The following ATG10 variants were observed in gnomAD, a reference collection of about 807,000 sequenced individuals.
The protein encoded by ATG10 is autophagy related 10, also known as ubiquitin-like-conjugating enzyme ATG10.
Under a neutral mutation model 32.1 loss-of-function variants are expected in ATG10, and 30 were observed. That is an observed-to-expected ratio of 0.94 (90% confidence interval 0.70 to 1.27). The LOEUF (loss-of-function observed/expected upper bound fraction) is 1.27, where lower values mean the gene tolerates loss of function less well. Ranked by LOEUF, ATG10 falls within the 50% of genes most tolerant of loss-of-function variation. The pLI, the probability that ATG10 is intolerant of heterozygous loss-of-function variation, is 0.00. For missense variants in ATG10, 233 were observed against 262.3 expected (o/e 0.89, Z 0.77); for synonymous variants, 87 against 91.5 (o/e 0.95, Z 0.28).
intron 2 of ATG10, among the ~76,000 whole-genome samples, 159 bp from the exon 3 acceptor site, chr5:82,058,336 C>T (rs371882582): frequency 1.5e-4 from 23 of 152,260 alleles, no homozygotes; most frequent in East Asian, 1.3e-3. Context: ...GTACTTACTA[C>T]GTACAGGGTG....
rs185364744 is a variant in ATG10 at position 82,027,214 on chromosome 5, C to T, written c.109-31281C>T. On this transcript the variant is annotated intron_variant, in intron 2 of 7. Transcript: ENST00000282185. Reference sequence around the variant, plus strand: ...AGGAATTTCAGACCAGCCTGGGCAACGTAGTGTGACCTCTTCTCTACAAAA... The same window carrying T: ...AGGAATTTCAGACCAGCCTGGGCAATGTAGTGTGACCTCTTCTCTACAAAA... 1.6e-3 allele frequency among the ~76,000 whole-genome samples: 242 copies of T among 152,004 alleles called. 1 individual carries two copies. The highest frequency in any genetic ancestry group is 5.4e-3 in the African/African-American group (225 of 41,434).
chr5:82,027,488 A>G (rs1169994445), intron 2 of ATG10, among the ~76,000 whole-genome samples: 1 of 152,186 alleles, frequency 6.6e-6, no homozygotes, highest in Non-Finnish European at 1.5e-5. Flanking sequence ...CAAAGTTTTA[A>G]TTTTTGAAGT....
chr5:82,164,576 T>G (rs369350662), intron 4 of ATG10, 39 bp downstream of exon 4: 6 of 1,539,500 alleles, frequency 3.9e-6, no homozygotes, highest in Non-Finnish European at 5.3e-6. Context: ...ATTTATAACA[T>G]TTACATATAA....
chr5:82,026,131 A>C (rs1762587290), intron 2 of ATG10, among the ~76,000 whole-genome samples: 1 of 152,144 alleles, frequency 6.6e-6, no homozygotes, highest in South Asian at 2.1e-4. Context: ...CTATGAAACA[A>C]CTACTCCTCA....
intron 3 of ATG10, among the ~76,000 whole-genome samples, chr5:82,132,244 A>G (rs1204491227): frequency 6.6e-6 from 1 of 151,880 alleles, no homozygotes; most frequent in African/African-American, 2.4e-5. Context: ...TGCCATTATT[A>G]TTATTATTTT....
intron 5 of ATG10, among the ~76,000 whole-genome samples, chr5:82,206,630 A>G (rs1745312188): frequency 6.6e-6 from 1 of 151,760 alleles, no homozygotes; most frequent in Admixed American, 6.6e-5. Flanking sequence ...AGCCTGGGCG[A>G]CAGAGCGAGA....
chr5:82,181,490 G>A (rs1183710102), intron 5 of ATG10, among the ~76,000 whole-genome samples: 2 of 151,914 alleles, frequency 1.3e-5, no homozygotes, highest in Non-Finnish European at 2.9e-5. Context: ...TGGGAGAATG[G>A]GTCTTCATTT....
chr5:82,179,379 G>C (rs960385619), intron 5 of ATG10, among the ~76,000 whole-genome samples: 1 of 152,024 alleles, frequency 6.6e-6, no homozygotes, highest in Non-Finnish European at 1.5e-5. Flanking sequence ...TAGAAACTAA[G>C]TTGGCTTATA....
intron 1 of ATG10, among the ~76,000 whole-genome samples, chr5:81,979,333 C>T (rs958152140): frequency 6.6e-6 from 1 of 152,170 alleles, no homozygotes; most frequent in African/African-American, 2.4e-5. Context: ...CGAGACCATC[C>T]TGGCTAACAC....
intron 2 of ATG10, among the ~76,000 whole-genome samples, chr5:81,989,448 T>C (rs1290899209): frequency 6.6e-6 from 1 of 152,132 alleles, no homozygotes; most frequent in Non-Finnish European, 1.5e-5. Context: ...GGTCGATGTG[T>C]TGTGGTAGAG....
chr5:82,200,830 T>A (rs1745041917), intron 5 of ATG10, among the ~76,000 whole-genome samples: 1 of 151,304 alleles, frequency 6.6e-6, no homozygotes, highest in Non-Finnish European at 1.5e-5. Context: ...TGAGAGTTTT[T>A]AATTTGTATG....
chr5:82,066,793 CAT>C (rs1763957443), intron 3 of ATG10, among the ~76,000 whole-genome samples: 1 of 152,000 alleles, frequency 6.6e-6, no homozygotes, highest in Non-Finnish European at 1.5e-5. Flanking sequence ...AAAATAGACT[CAT>C]ATGTCAGAAT....
intron 3 of ATG10, among the ~76,000 whole-genome samples, chr5:82,140,038 G>C (rs1221701221): frequency 2.9e-5 from 4 of 136,326 alleles, no homozygotes; most frequent in Admixed American, 7.0e-5. Flanking sequence ...CCCTCTGCCC[G>C]GCCAGCCGCC....
intron 5 of ATG10, among the ~76,000 whole-genome samples, chr5:82,205,467 C>A (rs1406756909): frequency 6.6e-6 from 1 of 152,012 alleles, no homozygotes; most frequent in African/African-American, 2.4e-5. Flanking sequence ...AGGAAGAGAA[C>A]TGAAAGAGCA....
At chr5:82,159,234 C>T (rs746767908) in intron 3 of ATG10, among the ~76,000 whole-genome samples, 3 of 152,132 alleles carry the variant, frequency 2.0e-5, no homozygotes, top group East Asian at 1.9e-4. Flanking sequence ...ATTCACATCC[C>T]AGGAAGGTGG....
rs190757100 is a variant in ATG10 at position 82,215,150 on chromosome 5, G to A, written c.453+36563G>A. Among the ~76,000 whole-genome samples the A allele has an allele frequency of 7.9e-5, 12 of 152,264 alleles. No individual in the cohort carries two copies. In the East Asian group the frequency reaches 2.3e-3, roughly 29 times the overall value. ...CTGACGTCATCTCAAGGCTTGATGGGGAAGGTTGGCAGGACTCAGTTCCTC... is the reference window on the plus strand; with the variant it reads ...CTGACGTCATCTCAAGGCTTGATGGAGAAGGTTGGCAGGACTCAGTTCCTC... On this transcript the variant is annotated intron_variant, in intron 5 of 7. Transcript: ENST00000282185.
intron 2 of ATG10, among the ~76,000 whole-genome samples, chr5:82,043,229 C>T (rs975096872): frequency 2.6e-5 from 4 of 152,228 alleles, no homozygotes; most frequent in Admixed American, 6.5e-5. Context: ...TTGGGATTTG[C>T]ACCCTCTGAA....
chr5:82,224,088 G>A (rs1032590927), intron 5 of ATG10, among the ~76,000 whole-genome samples: 3 of 152,178 alleles, frequency 2.0e-5, no homozygotes, highest in Non-Finnish European at 2.9e-5. Flanking sequence ...GACAGAATAT[G>A]AGAATAGTAG....
chr5:82,164,846 T>C (rs990533913), intron 4 of ATG10, among the ~76,000 whole-genome samples: 1 of 152,004 alleles, frequency 6.6e-6, no homozygotes, highest in African/African-American at 2.4e-5. Flanking sequence ...AAAGCTACAA[T>C]GTTTATTTAC....
Sources: allele counts gnomAD v4.1 joint callset (sites outside exome capture counted in the v4.1 genomes callset), GRCh38; gene constraint gnomAD v4.1.1; transcripts MANE v1.5; gene names NCBI Gene and HGNC (gene_info 2026-07-23, HGNC 2026-07-21).